Variants in TEKT3 observed in about 807,000 individuals in gnomAD.
TEKT3 encodes tektin-3.
TEKT3 carries 49 observed loss-of-function variants against 49.8 expected under a neutral mutation model. The observed-to-expected ratio is 0.98, with a 90% CI of 0.78 to 1.25. The LOEUF is 1.25. TEKT3 is among the 50% of genes most tolerant of loss of function. The probability of loss-of-function intolerance (pLI) is 0.00; values close to 1 mark genes in which losing one functional copy is unlikely to be tolerated. For missense variants in TEKT3, 595 were observed against 629.5 expected, an observed-to-expected ratio of 0.95 and a Z score of 0.59; for synonymous variants, 225 against 237.2, an observed-to-expected ratio of 0.95 and a Z score of 0.47.
chr17:15,312,986 C>T (rs1305361279), intron 6 of TEKT3, among the ~76,000 whole-genome samples: 4 of 152,180 alleles, frequency 2.6e-5, no homozygotes, highest in Admixed American at 2.0e-4. Context: ...AGAGGCAACA[C>T]AAACCAACAG....
chr17:15,330,862 T>C (rs1011281525), intron 3 of TEKT3, 145 bp downstream of exon 3: 3 of 832,512 alleles, frequency 3.6e-6, no homozygotes, highest in African/African-American at 3.4e-5. Flanking sequence ...GGTTTTGCCA[T>C]TGCTGAAAAC....
At chr17:15,330,210 A>G (rs898349956) in intron 3 of TEKT3, among the ~76,000 whole-genome samples, 8 of 152,198 alleles carry the variant, frequency 5.3e-5, no homozygotes, top group African/African-American at 1.9e-4. Flanking sequence ...GATACAGACT[A>G]AAAAAATAAA....
intron 5 of TEKT3, among the ~76,000 whole-genome samples, chr17:15,314,965 C>A (rs1411918801): frequency 6.6e-6 from 1 of 152,152 alleles, no homozygotes; most frequent in Non-Finnish European, 1.5e-5. Context: ...CAGCTTATTA[C>A]CAAAGACAGA....
At position 15,314,151 on chromosome 17, in the gene TEKT3, G is replaced by C. The variant is rs1401096762; in HGVS notation, c.814C>G (p.His272Asp). The change falls in exon 6 of 9, where the codon CAC becomes GAC. Residue 272 changes from histidine to aspartate, a missense_variant. Transcript: ENST00000395930. ...CCGTCTGATGTGTTGCGCAGGTGGT[G>C]GCATTTGTCGTCGATCCGGTAAGCC... ...QTAYRIDDKCHHLRNTSDGVG... is the reference protein window; with the variant it reads ...QTAYRIDDKCDHLRNTSDGVG... 5 of 1,614,224 alleles carry C rather than the reference G, an allele frequency of 3.1e-6. No homozygotes were observed. The highest frequency in any genetic ancestry group is 4.2e-6 in the Non-Finnish European group (5 of 1,180,042).
At chr17:15,336,398 C>A (rs1911984386) in intron 2 of TEKT3, among the ~76,000 whole-genome samples, 1 of 152,018 alleles carries the variant, frequency 6.6e-6, no homozygotes, top group Admixed American at 6.6e-5. Context: ...GAAATAAAAT[C>A]TTTTCATAAA....
intron 8 of TEKT3, among the ~76,000 whole-genome samples, chr17:15,306,327 T>C (rs1201471686): frequency 6.6e-6 from 1 of 152,156 alleles, no homozygotes; most frequent in East Asian, 1.9e-4. Context: ...TTATTTTTTC[T>C]AAATCTAGAC....
At chr17:15,313,486 A>C (rs182992784) in intron 6 of TEKT3, among the ~76,000 whole-genome samples, 1 of 152,162 alleles carries the variant, frequency 6.6e-6, no homozygotes, top group East Asian at 1.9e-4. Context: ...TACAATGGCA[A>C]CTTGTGGCTT....
Position 15,304,139 on chromosome 17 carries a change from CCTCGTT to C in TEKT3, c.1264_1269del (p.Asn422_Glu423del). ...TGGATGGTGTCGTCAACCTCGTGTA[CCTCGTT>C]AACAAGGCTGCAGCATAAAGGAATC... On this transcript the variant is annotated inframe_deletion, in exon 9 of 9. Transcript: ENST00000395930. The surrounding 1 kb of genome is among the most constrained non-coding windows in gnomAD (Gnocchi z 4.7). 6.2e-7 allele frequency: 1 copy of C among 1,614,104 alleles called. No individual in the cohort carries two copies. Among genetic ancestry groups the C allele is most frequent in the South Asian group, 1.1e-5 (1 of 91,074 alleles).
rs34533322 is a variant in TEKT3 at position 15,306,558 on chromosome 17, G to GA, written c.1256+2105dup. On this transcript the variant is annotated intron_variant, in intron 8 of 8. Coordinates refer to ENST00000395930, the MANE Select transcript of TEKT3 (RefSeq NM_031898.3). ...GCAAATTCTGTTTAGCCAGGAATAG[G>GA]AAAAAAAAAAAAAAGAGTAAAAATC... Among the ~76,000 whole-genome samples, 790 of 143,738 alleles carry GA rather than the reference G, an allele frequency of 5.5e-3. 2 individuals carry two copies. Among genetic ancestry groups the GA allele is most frequent in the Non-Finnish European group, 6.6e-3 (432 of 65,670 alleles). The allele number at this position is 143,738 out of a possible 152,430, so 94.3% of individuals were successfully genotyped here. A position where few individuals can be genotyped will look rare whatever the true frequency, so the allele number is the denominator to read the frequency against.
At chr17:15,309,769 T>C (rs1375821815) in intron 7 of TEKT3, among the ~76,000 whole-genome samples, 1 of 152,184 alleles carries the variant, frequency 6.6e-6, no homozygotes, top group Non-Finnish European at 1.5e-5. Flanking sequence ...CCCTGGATTC[T>C]GTCTCTGGCC....
At chr17:15,333,499 A>G (rs1235664992) in intron 2 of TEKT3, among the ~76,000 whole-genome samples, 5 of 152,106 alleles carry the variant, frequency 3.3e-5, no homozygotes, top group Non-Finnish European at 7.3e-5. Flanking sequence ...AAACTTACAG[A>G]CTGATGGTAA....
chr17:15,341,917 C>T (rs1397991113), upstream of TEKT3, among the ~76,000 whole-genome samples: 3 of 152,198 alleles, frequency 2.0e-5, no homozygotes, highest in Non-Finnish European at 4.4e-5. Flanking sequence ...ACTCTTCCAG[C>T]TGCGAAGAAC....
At chr17:15,317,932 C>T (rs1052948237) in intron 5 of TEKT3, among the ~76,000 whole-genome samples, 1 of 150,440 alleles carries the variant, frequency 6.6e-6, no homozygotes, top group Non-Finnish European at 1.5e-5. Flanking sequence ...TGCTGTGGGA[C>T]GCAGGGAGCA....
In TEKT3 at chr17:15,303,857, A is replaced by G; in HGVS notation, c.*79T>C. On this transcript the variant is annotated 3_prime_UTR_variant, in exon 9 of 9. Coordinates refer to ENST00000395930, the MANE Select transcript of TEKT3 (RefSeq NM_031898.3). ...TAATCCTTTAATAAGTGACTATATT[A>G]GCATTCGGTTCAAATGCTGAGACAG... The G allele has an allele frequency of 2.3e-6, 3 of 1,305,678 alleles. No homozygotes were observed. Among genetic ancestry groups the G allele is most frequent in the Non-Finnish European group, 3.3e-6 (3 of 907,190 alleles). The allele number at this position is 1,305,678 out of a possible 1,614,324, so 80.9% of individuals were successfully genotyped here.
chr17:15,325,037 C>T (rs911730862), intron 4 of TEKT3, among the ~76,000 whole-genome samples: 3 of 152,226 alleles, frequency 2.0e-5, no homozygotes, highest in African/African-American at 4.8e-5. Context: ...CTTCCCATTG[C>T]ATTGCCTTGG....
Position 15,304,680 on chromosome 17 carries a change from T to C in TEKT3, c.1257-528A>G, listed in dbSNP as rs535225787. Among the ~76,000 whole-genome samples the C allele has an allele frequency of 8.5e-5, 13 of 152,274 alleles. No individual in the cohort carries two copies. Among genetic ancestry groups the C allele is most frequent in the African/African-American group, 2.9e-4 (12 of 41,552 alleles). ...CTGGCCCCATTCCCCTCTCAGCTCC[T>C]TGAGACAGAAGAGTAGAAGCAGAGA... On this transcript the variant is annotated intron_variant, in intron 8 of 8. Transcript: ENST00000395930. This position sits in a 1 kb window ranked among gnomAD's most constrained non-coding sequence, Gnocchi z 4.7.
At chr17:15,338,104 C>T (rs920782793) in intron 2 of TEKT3, among the ~76,000 whole-genome samples, 1 of 152,092 alleles carries the variant, frequency 6.6e-6, no homozygotes, top group Admixed American at 6.5e-5. Context: ...ATAGACAAAT[C>T]CACATTATAT....
intron 8 of TEKT3, among the ~76,000 whole-genome samples, chr17:15,307,498 A>G (rs1415723508): frequency 6.6e-6 from 1 of 152,254 alleles, no homozygotes; most frequent in East Asian, 1.9e-4. Flanking sequence ...AGTCAGGTTA[A>G]GAGATGGTAG....
At position 15,314,127 on chromosome 17, in the gene TEKT3, C is replaced by T. The variant is rs372279277; in HGVS notation, c.838G>A (p.Gly280Ser). ...KCHHLRNTSD[G>S]VGYFRGVERV... Reference sequence around the variant, plus strand: ...TCCACTCCGCGGAAGTAGCCGACACCGTCTGATGTGTTGCGCAGGTGGTGG... The same window carrying T: ...TCCACTCCGCGGAAGTAGCCGACACTGTCTGATGTGTTGCGCAGGTGGTGG... Residue 280 changes from glycine (G) to serine (S), a missense_variant, in exon 6 of 9, where the codon GGT becomes AGT. By Grantham distance (56) the Gly-to-Ser change is moderately conservative. Coordinates refer to ENST00000395930, the MANE Select transcript of TEKT3 (RefSeq NM_031898.3). 3.5e-5 allele frequency: 57 copies of T among 1,614,072 alleles called. No individual in the cohort carries two copies. Among genetic ancestry groups the T allele is most frequent in the African/African-American group, 1.1e-4 (8 of 74,930 alleles).
Sources: gnomAD v4.1 joint callset for allele counts (sites outside exome capture counted in the v4.1 genomes callset) on GRCh38, gnomAD v4.1.1 for gene constraint, Gnocchi (gnomAD v3.1) non-coding constraint, MANE v1.5 for transcripts, NCBI Gene and HGNC (gene_info 2026-07-23, HGNC 2026-07-21) for gene names.